WNT2B: variants seen among roughly 807,000 people sequenced by gnomAD.
WNT2B encodes the protein protein Wnt-2b.
WNT2B carries 19 observed loss-of-function variants against 40.5 expected under a neutral mutation model. The observed-to-expected ratio is 0.47, with a 90% CI of 0.33 to 0.69. The LOEUF (loss-of-function observed/expected upper bound fraction) is 0.69. Among genes scored for constraint, WNT2B ranks in the 30% least tolerant of loss-of-function variants. The probability of loss-of-function intolerance (pLI) is 0.02; values close to 1 mark genes in which losing one functional copy is unlikely to be tolerated. For synonymous variants in WNT2B, 220 were observed against 211.9 expected, an observed-to-expected ratio of 1.04 and a Z score of -0.33; for missense variants, 467 against 556.4, an observed-to-expected ratio of 0.84 and a Z score of 1.62.
intron 1 of WNT2B, among the ~76,000 whole-genome samples, chr1:112,500,834 A>C (rs996520618): frequency 2.0e-5 from 3 of 152,210 alleles, no homozygotes; most frequent in Admixed American, 1.3e-4. Flanking sequence ...AATTGCAAAG[A>C]TAGTACAAAG....
At chr1:112,496,588 G>A (rs989337548) in intron 1 of WNT2B, among the ~76,000 whole-genome samples, 3 of 146,800 alleles carry the variant, frequency 2.0e-5, no homozygotes, top group Non-Finnish European at 4.5e-5. Context: ...TAGGACAGAC[G>A]TTTCTTTTTC....
chr1:112,473,303 G>A (rs1650949703), intron 1 of WNT2B, among the ~76,000 whole-genome samples: 1 of 151,924 alleles, frequency 6.6e-6, no homozygotes, highest in Admixed American at 6.6e-5. Flanking sequence ...GACAGAAATA[G>A]CAGACAATTA....
rs200730941 is a variant in WNT2B, at chr1:112,490,492, C to CTT, written c.-95+22915_-95+22916dup. ...TTACTTTTCTCAAAGAACTCATATT[C>CTT]TTTTTTTTTTTTTTTGAGACGGAGT... On this transcript the variant is annotated intron_variant, in intron 1 of 4. Transcript: ENST00000256640. 6.0e-4 allele frequency among the ~76,000 whole-genome samples: 86 copies of CTT among 142,564 alleles called. No individual in the cohort carries two copies. The East Asian group carries it at 8.5e-3, about 14-fold the overall frequency. The allele number at this position is 142,564 out of a possible 152,430, so 93.5% of individuals were successfully genotyped here.
At chr1:112,502,540 C>T (rs926091366) in intron 1 of WNT2B, among the ~76,000 whole-genome samples, 4 of 152,252 alleles carry the variant, frequency 2.6e-5, no homozygotes, top group Non-Finnish European at 4.4e-5. Context: ...CAAAGGAAAC[C>T]TCAGAGAAGG....
In WNT2B at chr1:112,526,462, G is replaced by A. The variant is rs1368055398; in HGVS notation, c.*5953G>A. 9 of 174,756 alleles carry A rather than the reference G, an allele frequency of 5.2e-5. No homozygotes were observed. The highest frequency in any genetic ancestry group is 7.4e-5 in the Non-Finnish European group (6 of 81,140). 10.8% of individuals were successfully genotyped at this position (174,756 alleles called of 1,614,324 possible). On this transcript the variant is annotated 3_prime_UTR_variant, in exon 5 of 5. Coordinates refer to ENST00000369684, the MANE Select transcript of WNT2B (RefSeq NM_024494.3). ...GCTTTGAAAATATGTATCAGAGGCC[G>A]GGTGCAGTGGCTCATGCCTGTAATC...
intron 1 of WNT2B, among the ~76,000 whole-genome samples, chr1:112,503,240 G>C (rs2101075746): frequency 6.6e-6 from 1 of 152,264 alleles, no homozygotes; most frequent in Non-Finnish European, 1.5e-5. Context: ...TCAGATTTAG[G>C]AAGCAGAAAG....
chr1:112,501,170 CA>C (rs1049456007), intron 1 of WNT2B, among the ~76,000 whole-genome samples: 4 of 152,126 alleles, frequency 2.6e-5, no homozygotes, highest in Admixed American at 6.6e-5. Context: ...TGGAATTTAC[CA>C]GGTGTTTTTT....
chr1:112,530,026 A>G lies in WNT2B; in HGVS notation c.*9517A>G, dbSNP rs937867614. ...GAAGATGCCATCATGCAACTAACTT[A>G]CTATCTGGAGATGTGTATTTTGTTA... On this transcript the variant is annotated 3_prime_UTR_variant, in exon 5 of 5. Coordinates refer to ENST00000369684, the MANE Select transcript of WNT2B (RefSeq NM_024494.3). 19 of 152,234 alleles carry G rather than the reference A, an allele frequency of 1.2e-4. No homozygotes were observed. Among genetic ancestry groups the G allele is most frequent in the African/African-American group, 4.6e-4 (19 of 41,454 alleles). 9.4% of individuals were successfully genotyped at this position (152,234 alleles called of 1,614,324 possible).
At chr1:112,493,043 A>G (rs886567068) in intron 1 of WNT2B, among the ~76,000 whole-genome samples, 11 of 152,212 alleles carry the variant, frequency 7.2e-5, no homozygotes, top group Middle Eastern at 3.2e-3. Context: ...AAGTCAAAAC[A>G]GGCACCAGAA....
At chr1:112,489,553 G>A (rs1651532532) in intron 1 of WNT2B, among the ~76,000 whole-genome samples, 1 of 152,128 alleles carries the variant, frequency 6.6e-6, no homozygotes. Flanking sequence ...GACAGAGGGA[G>A]ACTCTGTCTC....
At chr1:112,490,486 C>T (rs1233937615) in intron 1 of WNT2B, among the ~76,000 whole-genome samples, 3 of 150,352 alleles carry the variant, frequency 2.0e-5, no homozygotes, top group Non-Finnish European at 4.4e-5. Context: ...TCAAAGAACT[C>T]ATATTCTTTT....
At position 112,523,777 on chromosome 1, in the gene WNT2B, ATATTT is replaced by A. The variant is rs1395937544; in HGVS notation, c.*3271_*3275del. 1 of 152,170 alleles carries A rather than the reference ATATTT, an allele frequency of 6.6e-6. No homozygotes were observed. Among genetic ancestry groups the A allele is most frequent in the Non-Finnish European group, 1.5e-5 (1 of 68,040 alleles). 9.4% of individuals were successfully genotyped at this position (152,170 alleles called of 1,614,324 possible). A position where few individuals can be genotyped will look rare whatever the true frequency, so the allele number is the denominator to read the frequency against. ...TAGATACAAACTTAAAACATACTAT[ATATTT>A]TAAGGATCTAAGAATCCTTTAGAGA... is the stretch of plus-strand genomic sequence containing the variant. On this transcript the variant is annotated 3_prime_UTR_variant, in exon 5 of 5. Coordinates refer to ENST00000369684, the MANE Select transcript of WNT2B (RefSeq NM_024494.3).
chr1:112,510,692 CTT>C (rs1652319503), intron 1 of WNT2B, among the ~76,000 whole-genome samples: 2 of 151,300 alleles, frequency 1.3e-5, no homozygotes, highest in South Asian at 2.1e-4. Context: ...AGAAAAATCT[CTT>C]TTGAATTTTT....
chr1:112,508,936 A>T (rs1162242849), upstream of WNT2B: 1 of 1,156,086 alleles, frequency 8.6e-7, no homozygotes, highest in Non-Finnish European at 1.1e-6. This position sits in a 1 kb window ranked among gnomAD's most constrained non-coding sequence, Gnocchi z 4.2. Context: ...GTCCCGTCCA[A>T]TGAGAGCCCG....
At chr1:112,490,737 C>T (rs1193578138) in intron 1 of WNT2B, among the ~76,000 whole-genome samples, 1 of 152,146 alleles carries the variant, frequency 6.6e-6, no homozygotes, top group Non-Finnish European at 1.5e-5. Context: ...GATCTGCCCA[C>T]CTCAGCCTCC....
chr1:112,525,870 TAAG>T lies in WNT2B; in HGVS notation c.*5365_*5367del, dbSNP rs1363212201. On this transcript the variant is annotated 3_prime_UTR_variant, in exon 5 of 5. Coordinates refer to ENST00000369684, the MANE Select transcript of WNT2B (RefSeq NM_024494.3). ...GTTTGCCTAGGAATAACAATATTCATAAGAAGCTTTTTCATATGCAAAATGCTT... is the reference window on the plus strand; with the variant it reads ...GTTTGCCTAGGAATAACAATATTCATAAGCTTTTTCATATGCAAAATGCTT... 8.5e-7 allele frequency: 1 copy of T among 1,173,048 alleles called. No homozygotes were observed. Among genetic ancestry groups the T allele is most frequent in the Non-Finnish European group, 1.2e-6 (1 of 865,692 alleles). The allele number at this position is 1,173,048 out of a possible 1,614,324, so 72.7% of individuals were successfully genotyped here.
At chr1:112,504,556 T>C (rs72993045), upstream of WNT2B, among the ~76,000 whole-genome samples, 10,872 of 152,022 alleles carry the variant, frequency 0.072, 648 homozygotes, top group African/African-American at 0.16. Flanking sequence ...CCCACTCTTT[T>C]CCCCCCTTAA....
At chr1:112,511,331 G>A (rs2101084449) in intron 1 of WNT2B, among the ~76,000 whole-genome samples, 1 of 152,222 alleles carries the variant, frequency 6.6e-6, no homozygotes, top group East Asian at 1.9e-4. Flanking sequence ...TTGGGAAGTG[G>A]GTACAGAGGT....
intron 1 of WNT2B, among the ~76,000 whole-genome samples, chr1:112,470,207 C>G (rs1245328198): frequency 6.6e-6 from 1 of 152,078 alleles, no homozygotes; most frequent in Non-Finnish European, 1.5e-5. Flanking sequence ...CTGGGAAAGT[C>G]TTTATTTCTC....
Sources: allele counts gnomAD v4.1 joint callset (sites outside exome capture counted in the v4.1 genomes callset), GRCh38; gene constraint gnomAD v4.1.1; non-coding constraint Gnocchi (gnomAD v3.1); transcripts MANE v1.5; gene names NCBI Gene and HGNC (gene_info 2026-07-23, HGNC 2026-07-21).